Variants in BICDL1 observed in about 807,000 individuals in gnomAD.
BICDL1 encodes BICD family like cargo adaptor 1, also known as BICD family-like cargo adapter 1.
A neutral mutation model predicts 76.8 loss-of-function variants in BICDL1; 20 were observed. The ratio of observed to expected loss-of-function variants is 0.26; its 90% CI spans 0.18 to 0.38. BICDL1 has a LOEUF of 0.38. Ranked by LOEUF, BICDL1 falls within the 10% of genes least tolerant of loss-of-function variation. BICDL1 has a pLI of 1.00. For missense variants in BICDL1, 700 were observed against 798.6 expected (o/e 0.88, Z 1.49); for synonymous variants, 383 against 337.1 (o/e 1.14, Z -1.49).
intron 2 of BICDL1, among the ~76,000 whole-genome samples, chr12:120,023,362 A>T (rs966929558): frequency 6.6e-6 from 1 of 152,250 alleles, no homozygotes; most frequent in African/African-American, 2.4e-5. Context: ...TAAAAGCAAG[A>T]TTCAAAAGGA....
intron 7 of BICDL1, among the ~76,000 whole-genome samples, chr12:120,080,016 G>T (rs573206389): frequency 6.6e-6 from 1 of 152,360 alleles, no homozygotes; most frequent in South Asian, 2.1e-4. Flanking sequence ...CCCCCAAAAT[G>T]GGAAGAGATT....
At chr12:120,076,781 G>T (rs1016722297) in intron 7 of BICDL1, among the ~76,000 whole-genome samples, 4 of 152,226 alleles carry the variant, frequency 2.6e-5, no homozygotes, top group African/African-American at 9.7e-5. Context: ...AGTAACACTG[G>T]CCTCCCAAGG....
intron 9 of BICDL1, chr12:120,092,155 T>C: frequency 1.0e-6 from 1 of 985,134 alleles, no homozygotes; most frequent in Non-Finnish European, 1.2e-6. Context: ...TCAAATGGAG[T>C]CTTACCCAGA....
chr12:120,052,207 G>T (rs1409976533), intron 2 of BICDL1, among the ~76,000 whole-genome samples: 1 of 151,960 alleles, frequency 6.6e-6, no homozygotes, highest in Non-Finnish European at 1.5e-5. Flanking sequence ...CTCCCAAAGT[G>T]CTGGGATTAC....
At chr12:120,085,478 A>G (rs1424802175) in intron 8 of BICDL1, among the ~76,000 whole-genome samples, 1 of 152,208 alleles carries the variant, frequency 6.6e-6, no homozygotes, top group East Asian at 1.9e-4. Context: ...ATGGAATAAA[A>G]TGGTAAAATG....
At chr12:120,092,400 C>T (rs531094977) in intron 9 of BICDL1, 852 of 985,438 alleles carry the variant, frequency 8.6e-4, no homozygotes, top group Non-Finnish European at 1.0e-3. Context: ...AGGCCCCTGG[C>T]CTCTGCCGCA....
chr12:120,085,247 A>T (rs1874309377), intron 8 of BICDL1, among the ~76,000 whole-genome samples: 5 of 151,708 alleles, frequency 3.3e-5, no homozygotes, highest in Admixed American at 3.3e-4. Context: ...GGTGTTCGAG[A>T]CCAACCTGGC....
intron 2 of BICDL1, among the ~76,000 whole-genome samples, chr12:120,025,209 C>G (rs1352965120): frequency 6.6e-6 from 1 of 152,044 alleles, no homozygotes; most frequent in East Asian, 1.9e-4. Flanking sequence ...CGCCACCTCG[C>G]CCGGCTAATT....
intron 1 of BICDL1, among the ~76,000 whole-genome samples, chr12:119,997,011 C>T (rs1484887721): frequency 4.0e-5 from 6 of 151,032 alleles, no homozygotes; most frequent in African/African-American, 1.5e-4. Context: ...TGCAGTGGCG[C>T]GATCTCGGCT....
chr12:120,091,184 C>A, intron 9 of BICDL1: 1 of 1,199,238 alleles, frequency 8.3e-7, no homozygotes, highest in African/African-American at 1.6e-5. Context: ...ATCACAGTCG[C>A]GTCCAGTGAG....
chr12:120,014,145 C>T (rs1473351391), intron 2 of BICDL1, among the ~76,000 whole-genome samples: 4 of 152,154 alleles, frequency 2.6e-5, no homozygotes, highest in Non-Finnish European at 5.9e-5. Context: ...CTTAAACGAT[C>T]ATGTTTTGTT....
chr12:120,064,998 T>C, intron 4 of BICDL1, 119 bp downstream of exon 4: 1 of 1,194,582 alleles, frequency 8.4e-7, no homozygotes, highest in Non-Finnish European at 1.2e-6. Context: ...TGGATGATGC[T>C]GAGGTCTCGC....
At position 119,990,090 on chromosome 12, in the gene BICDL1, A is replaced by C. The variant is rs1052814293; in HGVS notation, c.222A>C (p.Glu74Asp). ...AAGERPSDPG[E>D]HPQAEPGSLA... ...GGGAGCGGCCGTCCGACCCCGGGGA[A>C]CACCCTCAGGCCGAGCCTGGGTCTC... Residue 74 changes from glutamate (E) to aspartate (D), a missense_variant, in exon 1 of 10, where the codon GAA becomes GAC. This residue lies in a region of BICDL1 where 225 missense variants were observed against 199.6 expected (regional missense o/e 1.13). Transcript: ENST00000548673. 2 of 1,541,748 alleles carry C rather than the reference A, an allele frequency of 1.3e-6. No individual in the cohort carries two copies. The highest frequency in any genetic ancestry group is 1.7e-6 in the Non-Finnish European group (2 of 1,144,184).
chr12:120,053,720 T>C (rs1054090374), intron 2 of BICDL1, among the ~76,000 whole-genome samples: 1 of 152,220 alleles, frequency 6.6e-6, no homozygotes, highest in East Asian at 1.9e-4. Context: ...CGTTCATTTA[T>C]TAGAGAATGG....
intron 2 of BICDL1, among the ~76,000 whole-genome samples, chr12:119,999,599 G>A (rs2138615025): frequency 6.6e-6 from 1 of 152,244 alleles, no homozygotes; most frequent in Admixed American, 6.5e-5. Flanking sequence ...CCTTTCTAAG[G>A]TGGTGTCATG....
At position 119,997,105 on chromosome 12, in the gene BICDL1, C is replaced by T. The variant is rs145280260; in HGVS notation, c.430-1416C>T. Among the ~76,000 whole-genome samples the T allele has an allele frequency of 3.0e-3, 449 of 152,160 alleles. 3 individuals are homozygous for T. Among genetic ancestry groups the T allele is most frequent in the African/African-American group, 0.01 (419 of 41,518 alleles). On this transcript the variant is annotated intron_variant, in intron 1 of 9. Coordinates refer to ENST00000548673, the MANE Select transcript of BICDL1 (RefSeq NM_001367886.1). ...CTGGGACTGCAGGCCCTCGCCACCT[C>T]GCCCGGCTAATTTTATATTTTTAGT...
At chr12:120,089,390 GGTGT>G (rs943341665) in intron 8 of BICDL1, among the ~76,000 whole-genome samples, 17 of 148,800 alleles carry the variant, frequency 1.1e-4, no homozygotes, top group Admixed American at 6.0e-4. Context: ...GTGTGTGTGT[GGTGT>G]GTGTGTGTGT....
chr12:120,086,333 A>C (rs1373142312), intron 8 of BICDL1, among the ~76,000 whole-genome samples: 3 of 152,166 alleles, frequency 2.0e-5, no homozygotes, highest in Non-Finnish European at 4.4e-5. Flanking sequence ...TAAAGAGGAA[A>C]CCACACCCCC....
rs115973136 is a variant in BICDL1, at chr12:120,036,433, G to T, written c.646-25277G>T. ...TCTGTGGAAACAAGCTATAGAATCAGTAAGCCATTTCCTTGTACTGGGAGC... is the reference window on the plus strand; with the variant it reads ...TCTGTGGAAACAAGCTATAGAATCATTAAGCCATTTCCTTGTACTGGGAGC... On this transcript the variant is annotated intron_variant, in intron 2 of 9. Transcript: ENST00000548673. Among the ~76,000 whole-genome samples, 515 of 152,346 alleles carry T rather than the reference G, an allele frequency of 3.4e-3. 3 individuals carry two copies. The highest frequency in any genetic ancestry group is 0.012 in the African/African-American group (499 of 41,576).
Sources: gnomAD v4.1 joint callset for allele counts (sites outside exome capture counted in the v4.1 genomes callset) on GRCh38, gnomAD v4.1.1 for gene constraint, gnomAD v4.1.1 regional missense constraint, MANE v1.5 for transcripts, NCBI Gene and HGNC (gene_info 2026-07-23, HGNC 2026-07-21) for gene names.